Variants in SPOCK3 observed in about 807,000 individuals in gnomAD.
SPOCK3 encodes testican-3.
SPOCK3 carries 30 observed loss-of-function variants against 56.6 expected under a neutral mutation model. The ratio of observed to expected loss-of-function variants is 0.53; its 90% CI spans 0.40 to 0.72. The LOEUF (loss-of-function observed/expected upper bound fraction) is 0.72. SPOCK3 is among the 30% of genes least tolerant of loss of function. The probability of loss-of-function intolerance (pLI) is 0.00; values close to 1 mark genes in which losing one functional copy is unlikely to be tolerated. For synonymous variants in SPOCK3, 196 were observed against 183.3 expected (o/e 1.07, Z -0.56); for missense variants, 527 against 530.0 (o/e 0.99, Z 0.06).
intron 2 of SPOCK3, among the ~76,000 whole-genome samples, chr4:167,180,799 C>T (rs1042965298): frequency 6.6e-6 from 1 of 152,002 alleles, no homozygotes; most frequent in Non-Finnish European, 1.5e-5. Flanking sequence ...AGAATAAGAA[C>T]GTCCATGTAA....
rs1736816183 is a variant in SPOCK3 at position 166,754,559 on chromosome 4, C to T, written c.880G>A (p.Asp294Asn). 2 of 1,613,430 alleles carry T rather than the reference C, an allele frequency of 1.2e-6. No individual in the cohort carries two copies. Among genetic ancestry groups the T allele is most frequent in the Non-Finnish European group, 1.7e-6 (2 of 1,179,708 alleles). The part of the protein sequence containing the change: ...AFFNSCDTYK[D>N]SLISNNEWCY... The stretch of plus-strand genomic sequence containing the variant: ...CACTCATTATTAGATATTAAACTGT[C>T]CTTGTATGTGTCACAAGAATTGAAG... Residue 294 changes from aspartate to asparagine, a missense_variant, in exon 8 of 11, where the codon GAC becomes AAC. Asp to Asn is a conservative substitution (Grantham distance 23). Transcript: ENST00000357545.
chr4:166,779,949 C>T (rs2126610192), intron 7 of SPOCK3, among the ~76,000 whole-genome samples: 1 of 152,118 alleles, frequency 6.6e-6, no homozygotes, highest in Non-Finnish European at 1.5e-5. Context: ...TGAATAACAT[C>T]ATTAAGTGAA....
At chr4:166,828,893 T>C (rs1223719967) in intron 6 of SPOCK3, among the ~76,000 whole-genome samples, 1 of 152,018 alleles carries the variant, frequency 6.6e-6, no homozygotes, top group Non-Finnish European at 1.5e-5. Context: ...ATCTTGCTTT[T>C]AATAGAGAGG....
chr4:166,867,613 A>G (rs1398532119), intron 6 of SPOCK3, among the ~76,000 whole-genome samples: 1 of 148,324 alleles, frequency 6.7e-6, no homozygotes, highest in African/African-American at 2.4e-5. Flanking sequence ...ATATTAAATA[A>G]GTAAAAATAA....
intron 3 of SPOCK3, among the ~76,000 whole-genome samples, chr4:167,019,378 T>C (rs1750954287): frequency 6.6e-6 from 1 of 151,978 alleles, no homozygotes; most frequent in African/African-American, 2.4e-5. Flanking sequence ...AAATTTATCA[T>C]TTCTGTATTT....
intron 3 of SPOCK3, among the ~76,000 whole-genome samples, chr4:167,023,289 T>TTATTGATAGCCATGGGTA (rs1219353529): frequency 1.3e-5 from 2 of 151,926 alleles, no homozygotes; most frequent in Non-Finnish European, 2.9e-5. Flanking sequence ...AAAAAAAGAC[T>TTATTGATAGCCATGGGTA]TATTGATAGC....
At chr4:167,090,837 GT>G (rs931755424) in intron 2 of SPOCK3, among the ~76,000 whole-genome samples, 51 of 148,664 alleles carry the variant, frequency 3.4e-4, no homozygotes, top group Admixed American at 1.8e-3. Flanking sequence ...TTACTAACCT[GT>G]TTTTTTTTTC....
At chr4:166,787,191 C>T (rs1170427381) in intron 7 of SPOCK3, among the ~76,000 whole-genome samples, 2 of 152,074 alleles carry the variant, frequency 1.3e-5, no homozygotes, top group East Asian at 3.8e-4. Context: ...TTTTAATGAA[C>T]ATTACGTTAA....
intron 4 of SPOCK3, among the ~76,000 whole-genome samples, chr4:166,955,016 A>G (rs1743227491): frequency 6.6e-6 from 1 of 152,176 alleles, no homozygotes; most frequent in Admixed American, 6.6e-5. Context: ...TATCTATTAT[A>G]TGTTCACAGA....
intron 2 of SPOCK3, among the ~76,000 whole-genome samples, chr4:167,155,669 G>C (rs1764756480): frequency 6.6e-6 from 1 of 152,072 alleles, no homozygotes; most frequent in South Asian, 2.1e-4. Flanking sequence ...TATTAAATGT[G>C]GACTTTGTTA....
intron 4 of SPOCK3, among the ~76,000 whole-genome samples, chr4:166,919,348 A>T (rs1169949667): frequency 1.3e-5 from 2 of 152,316 alleles, no homozygotes; most frequent in East Asian, 3.9e-4. Flanking sequence ...ATTTCTTTGA[A>T]CAGATCCAGT....
intron 7 of SPOCK3, among the ~76,000 whole-genome samples, chr4:166,769,910 G>A (rs1382264666): frequency 1.3e-5 from 2 of 152,136 alleles, no homozygotes; most frequent in Non-Finnish European, 2.9e-5. Context: ...CCCCAGCCTT[G>A]CTGCTGTCTT....
chr4:167,082,280 A>G (rs182307753), intron 2 of SPOCK3, among the ~76,000 whole-genome samples: 8 of 152,204 alleles, frequency 5.3e-5, no homozygotes, highest in Admixed American at 2.0e-4. Context: ...TGGATAGAAA[A>G]AGTGTGAGCC....
intron 2 of SPOCK3, among the ~76,000 whole-genome samples, chr4:167,207,067 G>GTGCACAACT (rs1734415725): frequency 6.6e-6 from 1 of 151,956 alleles, no homozygotes; most frequent in Admixed American, 6.6e-5. Flanking sequence ...CCCTATAAAC[G>GTGCACAACT]TGCACAACTA....
At chr4:167,197,707 C>G (rs1376685990) in intron 2 of SPOCK3, among the ~76,000 whole-genome samples, 2 of 152,082 alleles carry the variant, frequency 1.3e-5, no homozygotes, top group Non-Finnish European at 2.9e-5. Context: ...CCCCAATTAG[C>G]TATTTCCACT....
At chr4:166,967,163 C>A (rs995106897) in intron 4 of SPOCK3, among the ~76,000 whole-genome samples, 6 of 152,150 alleles carry the variant, frequency 3.9e-5, no homozygotes, top group Admixed American at 2.0e-4. Flanking sequence ...GTCACCTCAG[C>A]AGCCCTGAAT....
At chr4:167,083,335 A>G (rs1051844674) in intron 2 of SPOCK3, 17 of 763,686 alleles carry the variant, frequency 2.2e-5, no homozygotes, top group Non-Finnish European at 3.6e-5. Flanking sequence ...ACAGTTCCCC[A>G]CCATGTGCAT....
chr4:167,009,711 A>G (rs183027386), intron 3 of SPOCK3, among the ~76,000 whole-genome samples: 2 of 152,250 alleles, frequency 1.3e-5, no homozygotes, highest in East Asian at 3.9e-4. Flanking sequence ...CCAGGAAACA[A>G]ATAATCCAAT....
chr4:167,026,878 C>G (rs920012958), intron 3 of SPOCK3, among the ~76,000 whole-genome samples: 36 of 149,022 alleles, frequency 2.4e-4, no homozygotes, highest in African/African-American at 7.4e-4. Context: ...ATGTATCTTC[C>G]CCTTCCTAAA....
Sources: allele counts gnomAD v4.1 joint callset (sites outside exome capture counted in the v4.1 genomes callset), GRCh38; gene constraint gnomAD v4.1.1; transcripts MANE v1.5; gene names NCBI Gene and HGNC (gene_info 2026-07-23, HGNC 2026-07-21).